Variants in ZNF503 observed in about 807,000 individuals in gnomAD.
ZNF503 encodes the protein zinc finger protein 503, also known as NocA-like zinc finger 2.
Under a neutral mutation model 34.4 loss-of-function variants are expected in ZNF503, and 15 were observed. The ratio of observed to expected loss-of-function variants is 0.44; its 90% CI spans 0.29 to 0.67. The LOEUF (loss-of-function observed/expected upper bound fraction) is 0.67, where lower values mean the gene tolerates loss of function less well. Among genes scored for constraint, ZNF503 ranks in the 30% least tolerant of loss-of-function variants. The pLI, the probability that ZNF503 is intolerant of heterozygous loss-of-function variation, is 0.13. For missense variants in ZNF503, 1,007 were observed against 926.8 expected, an observed-to-expected ratio of 1.09 and a Z score of -1.12; for synonymous variants, 580 against 456.8, an observed-to-expected ratio of 1.27 and a Z score of -3.44.
the ZNF503 span, among the ~76,000 whole-genome samples, chr10:75,376,890 A>C: frequency 6.6e-6 from 1 of 152,246 alleles, no homozygotes; most frequent in Non-Finnish European, 1.5e-5. Context: ...GCATGGGGGA[A>C]CCGCCCCATG....
the ZNF503 span, among the ~76,000 whole-genome samples, chr10:75,345,529 G>A: frequency 6.6e-6 from 1 of 151,576 alleles, no homozygotes; most frequent in African/African-American, 2.4e-5. Context: ...CAGCTACTCA[G>A]GAGGCTGAGG....
Position 75,399,680 on chromosome 10 carries a change from A to G in ZNF503, c.1010T>C (p.Val337Ala), listed in dbSNP as rs375008085. The change falls in exon 2 of 2, where the codon GTG (valine) becomes GCG (alanine). Residue 337 changes from valine (V) to alanine (A), a missense_variant. By Grantham distance (64) the Val-to-Ala change is moderately conservative. Transcript: ENST00000372524. The stretch of plus-strand genomic sequence containing the variant: ...CGGCTTGTAGGGTGACACGGGAGCC[A>G]CCAGCCCAGAGCCCAACACTGAGGA... The part of the protein sequence containing the change: ...TSSSVLGSGL[V>A]APVSPYKPGQ... The G allele has an allele frequency of 1.8e-5, 29 of 1,600,008 alleles. No individual in the cohort carries two copies. In the African/African-American group the frequency reaches 2.7e-4, roughly 15 times the overall value.
At chr10:75,345,068 C>T in the ZNF503 span, among the ~76,000 whole-genome samples, 6 of 152,194 alleles carry the variant, frequency 3.9e-5, no homozygotes, top group African/African-American at 1.4e-4. Context: ...ACTAGATTTT[C>T]TGGCAGATAA....
chr10:75,299,427 C>A, the ZNF503 span, among the ~76,000 whole-genome samples: 1 of 152,140 alleles, frequency 6.6e-6, no homozygotes, highest in Non-Finnish European at 1.5e-5. Context: ...CTGAGTATTA[C>A]TGTCGAATTA....
the ZNF503 span, among the ~76,000 whole-genome samples, chr10:75,290,882 T>C: frequency 2.0e-5 from 3 of 152,220 alleles, no homozygotes; most frequent in Non-Finnish European, 4.4e-5. Flanking sequence ...CTTGAATATC[T>C]GTAGTGATGG....
At chr10:75,376,209 C>G in the ZNF503 span, among the ~76,000 whole-genome samples, 1 of 152,186 alleles carries the variant, frequency 6.6e-6, no homozygotes, top group Non-Finnish European at 1.5e-5. Context: ...GGTGTTCTGG[C>G]CTCTGCTTCC....
downstream of ZNF503, among the ~76,000 whole-genome samples, chr10:75,395,868 G>T (rs1035847424): frequency 6.6e-6 from 1 of 152,240 alleles, no homozygotes; most frequent in Non-Finnish European, 1.5e-5. This position sits in a 1 kb window ranked among gnomAD's most constrained non-coding sequence, Gnocchi z 4.4. Flanking sequence ...ATGAAGGCAC[G>T]AACGTCCCGG....
chr10:75,302,051 T>C, the ZNF503 span, among the ~76,000 whole-genome samples: 3 of 152,250 alleles, frequency 2.0e-5, no homozygotes, highest in Non-Finnish European at 4.4e-5. Flanking sequence ...AAGGCAGACA[T>C]GCTAGCAACA....
chr10:75,375,014 C>T, the ZNF503 span, among the ~76,000 whole-genome samples: 22 of 152,310 alleles, frequency 1.4e-4, no homozygotes, highest in South Asian at 4.6e-3. Context: ...CTATTAGCTG[C>T]TCGGTGGCCA....
chr10:75,398,880 G>A lies in ZNF503; in HGVS notation c.1810C>T (p.Pro604Ser). 6.5e-7 allele frequency: 1 copy of A among 1,535,470 alleles called. No individual in the cohort carries two copies. ...HALGLSSRYH[P>S]YSKSPLPTPG... is the part of the protein sequence containing the mutation. ...GTGGGAAGCGGGCTCTTGGAGTAGG[G>A]GTGGTAGCGGCTGCTGAGTCCCAGC... The change falls in exon 2 of 2, where the codon CCC (proline) becomes TCC (serine). Residue 604 changes from proline to serine, a missense_variant. Pro to Ser is a moderately conservative substitution (Grantham distance 74, BLOSUM62 -1). Coordinates refer to ENST00000372524, the MANE Select transcript of ZNF503 (RefSeq NM_032772.6).
At chr10:75,337,627 A>AG in the ZNF503 span, among the ~76,000 whole-genome samples, 1 of 151,972 alleles carries the variant, frequency 6.6e-6, no homozygotes, top group East Asian at 1.9e-4. Context: ...CCAAAAGAAA[A>AG]AAAAATTCTC....
At chr10:75,394,758 A>T (rs1843678329), downstream of ZNF503, among the ~76,000 whole-genome samples, 1 of 152,216 alleles carries the variant, frequency 6.6e-6, no homozygotes, top group South Asian at 2.1e-4. Context: ...AAGTGTGGAA[A>T]CAAGTGAGTG....
At chr10:75,376,101 T>C in the ZNF503 span, among the ~76,000 whole-genome samples, 2 of 152,144 alleles carry the variant, frequency 1.3e-5, no homozygotes, top group African/African-American at 2.4e-5. Context: ...GGACCTTGGA[T>C]TATCAGGCCT....
downstream of ZNF503, among the ~76,000 whole-genome samples, chr10:75,397,179 C>CT (rs1843709906): frequency 7.7e-6 from 1 of 130,170 alleles, no homozygotes; most frequent in Non-Finnish European, 1.6e-5. Flanking sequence ...CGGCCAGCCC[C>CT]GGGTCCCGAC....
chr10:75,303,741 G>C, the ZNF503 span, among the ~76,000 whole-genome samples: 17 of 152,198 alleles, frequency 1.1e-4, no homozygotes, highest in African/African-American at 3.9e-4. Context: ...AGAATGTTAC[G>C]GTAAGCAAGG....
At chr10:75,389,076 C>T in the ZNF503 span, among the ~76,000 whole-genome samples, 1 of 152,150 alleles carries the variant, frequency 6.6e-6, no homozygotes, top group Admixed American at 6.5e-5. Flanking sequence ...AGAATTCCCA[C>T]ACCCTAGGAA....
the ZNF503 span, among the ~76,000 whole-genome samples, chr10:75,323,798 C>T: frequency 1.1e-4 from 16 of 151,928 alleles, no homozygotes; most frequent in African/African-American, 2.2e-4. Context: ...GTCAGGAGTT[C>T]GAGACCAGCC....
chr10:75,350,766 C>A, the ZNF503 span, among the ~76,000 whole-genome samples: 4 of 152,196 alleles, frequency 2.6e-5, no homozygotes, highest in Non-Finnish European at 4.4e-5. Context: ...GTTGCCCAGG[C>A]TAGTCTTGAA....
the ZNF503 span, among the ~76,000 whole-genome samples, chr10:75,374,217 G>A: frequency 6.6e-6 from 1 of 152,116 alleles, no homozygotes; most frequent in African/African-American, 2.4e-5. Context: ...TGGGAGAATC[G>A]CTTGAACCTG....
Sources: allele counts gnomAD v4.1 joint callset (sites outside exome capture counted in the v4.1 genomes callset), GRCh38; gene constraint gnomAD v4.1.1; non-coding constraint Gnocchi (gnomAD v3.1); transcripts MANE v1.5; gene names NCBI Gene and HGNC (gene_info 2026-07-23, HGNC 2026-07-21).